COCH: variants seen among roughly 807,000 people sequenced by gnomAD.
The protein encoded by COCH is cochlin.
Under a neutral mutation model 54.8 loss-of-function variants are expected in COCH, and 40 were observed. That is an observed-to-expected ratio of 0.73 (90% CI 0.57 to 0.95). COCH has a LOEUF of 0.95. Among genes scored for constraint, COCH ranks in the 40% least tolerant of loss-of-function variants. The pLI is 0.00. For synonymous variants in COCH, 256 were observed against 237.9 expected, an observed-to-expected ratio of 1.08 and a Z score of -0.70; for missense variants, 605 against 675.0, an observed-to-expected ratio of 0.90 and a Z score of 1.15.
At chr14:30,892,023 A>G (rs1269241827), downstream of COCH, among the ~76,000 whole-genome samples, 1 of 152,224 alleles carries the variant, frequency 6.6e-6, no homozygotes, top group African/African-American at 2.4e-5. Context: ...AGTTTGAAAT[A>G]ATGAGAAAAA....
At chr14:30,884,968 T>C (rs778612034) in intron 9 of COCH, 1 of 1,598,348 alleles carries the variant, frequency 6.3e-7, no homozygotes. Context: ...ATCAACAGAC[T>C]TATCTAATGA....
chr14:30,877,524 C>T lies in COCH; in HGVS notation c.83-48C>T. 7 of 1,608,732 alleles carry T rather than the reference C, an allele frequency of 4.4e-6. No individual in the cohort carries two copies. The highest frequency in any genetic ancestry group is 5.9e-6 in the Non-Finnish European group (7 of 1,178,152). On this transcript the variant is annotated intron_variant, in intron 3 of 11. Transcript: ENST00000396618. The surrounding 1 kb of genome is among the most constrained non-coding windows in gnomAD (Gnocchi z 8.6). ...CACTGTAGTCTCCCCACCACTATGC[C>T]CCAAGAAGTCCTAAGAATGCTTACA...
chr14:30,880,652 T>A lies in COCH; in HGVS notation c.547T>A (p.Leu183Ile), dbSNP rs752834753. 9 of 1,614,042 alleles carry A rather than the reference T, an allele frequency of 5.6e-6. No individual in the cohort carries two copies. The East Asian group carries it at 1.8e-4, about 32-fold the overall frequency. The part of the protein sequence containing the change: ...SFNIGQRRFN[L>I]QKNFVGKVAL... ...TAATATTGGGCAGCGCCGATTTAAT[T>A]TACAGAAGAATTTTGTTGGAAAAGT... Residue 183 changes from leucine to isoleucine, a missense_variant, in exon 8 of 12, where the codon TTA becomes ATA. Transcript: ENST00000396618.
rs768156505 is a variant in COCH, at chr14:30,884,559, T to C, written c.636T>C (p.His212=). 3.1e-6 allele frequency: 5 copies of C among 1,608,866 alleles called. No homozygotes were observed. In the South Asian group the frequency reaches 5.5e-5, roughly 18 times the overall value. Reference sequence around the variant, plus strand: ...TTTTCTTTCTTCCACTCAGTGAACATCCCAAAATAGAATTTTACTTGAAAA... The same window carrying C: ...TTTTCTTTCTTCCACTCAGTGAACACCCCAAAATAGAATTTTACTTGAAAA... ...PHVGLVQASE[H]PKIEFYLKNF... is the part of the protein sequence containing the mutation. The change falls in exon 9 of 12, where the codon CAT becomes CAC. Residue 212 remains histidine, a synonymous_variant. Transcript: ENST00000396618.
intron 11 of COCH, among the ~76,000 whole-genome samples, chr14:30,888,917 A>G (rs888389542): frequency 3.9e-5 from 6 of 152,176 alleles, no homozygotes; most frequent in African/African-American, 1.4e-4. Context: ...AGTGAATGGA[A>G]ATAGAATACC....
chr14:30,875,498 C>G, intron 3 of COCH: 1 of 506,556 alleles, frequency 2.0e-6, no homozygotes. Flanking sequence ...GAGGAGAAGC[C>G]GCCCAGACCC....
downstream of COCH, chr14:30,893,751 G>C (rs45600940): frequency 0.1 from 15,519 of 152,440 alleles, 861 homozygotes; most frequent in South Asian, 0.16. Flanking sequence ...ATATCAATAA[G>C]TAGGACAAAG....
downstream of COCH, among the ~76,000 whole-genome samples, chr14:30,891,639 CAG>C (rs1319089163): frequency 3.3e-5 from 5 of 152,226 alleles, no homozygotes; most frequent in African/African-American, 7.2e-5. Context: ...GATTTTTCCC[CAG>C]TAAGTAGACC....
intron 8 of COCH, 169 bp from the exon 9 acceptor site, chr14:30,884,384 A>G (rs1895711048): frequency 1.6e-6 from 1 of 608,346 alleles, no homozygotes; most frequent in African/African-American, 1.8e-5. Flanking sequence ...CCTCTGAAAT[A>G]TCTCCAATAA....
chr14:30,889,753 A>G lies in COCH; in HGVS notation c.1615A>G (p.Arg539Gly), dbSNP rs768825582. Residue 539 changes from arginine (R) to glycine (G), a missense_variant, in exon 12 of 12, where the codon AGA becomes GGA. Transcript: ENST00000396618. ...GLEPIVSDVI[R>G]GICRDFLESQ... ...AGAACCAATTGTTTCTGATGTCATC[A>G]GAGGCATTTGTAGAGATTTCTTAGA... 1.9e-6 allele frequency: 3 copies of G among 1,612,416 alleles called. No homozygotes were observed. In the East Asian group the frequency reaches 6.7e-5, roughly 36 times the overall value.
rs1566413749 is a variant in COCH at position 30,886,240 on chromosome 14, T to G, written c.1405T>G (p.Phe469Val). 1 of 1,613,126 alleles carries G rather than the reference T, an allele frequency of 6.2e-7. No individual in the cohort carries two copies. Among genetic ancestry groups the G allele is most frequent in the Non-Finnish European group, 8.5e-7 (1 of 1,179,660 alleles). ...GPIRESPNKN[F>V]LVIVTDGQSY... ...TATAAGGGAGAGCCCCAACAAGAAC[T>G]TCCTAGTAATTGTCACAGATGGGCA... The change falls in exon 11 of 12, where the codon TTC becomes GTC. Residue 469 changes from phenylalanine to valine, a missense_variant. Physicochemically the swap from Phe to Val is conservative, Grantham distance 50. Coordinates refer to ENST00000396618, the MANE Select transcript of COCH (RefSeq NM_004086.3).
At chr14:30,882,123 T>TTTTTTTTTTTGTTTTG in intron 8 of COCH, among the ~76,000 whole-genome samples, 1 of 96,482 alleles carries the variant, frequency 1.0e-5, no homozygotes, top group African/African-American at 3.9e-5. Flanking sequence ...TAAAATGGTT[T>TTTTTTTTTTTGTTTTG]TTTTTTTTTT....
At chr14:30,888,012 G>A (rs534399061) in intron 11 of COCH, among the ~76,000 whole-genome samples, 11 of 152,224 alleles carry the variant, frequency 7.2e-5, no homozygotes, top group African/African-American at 1.9e-4. Context: ...ATCCCTTAGT[G>A]ATATTGAAAG....
chr14:30,889,530 T>C (rs1895910294), intron 11 of COCH, 86 bp from the exon 12 acceptor site: 7 of 1,211,392 alleles, frequency 5.8e-6, no homozygotes, highest in Non-Finnish European at 8.5e-6. Flanking sequence ...TGCAACTATG[T>C]AACAGTGTAT....
At chr14:30,876,123 A>T (rs1895350205) in intron 3 of COCH, 1 of 150,050 alleles carries the variant, frequency 6.7e-6, no homozygotes, top group Non-Finnish European at 1.5e-5. Flanking sequence ...TCTGCCTTGG[A>T]AAAAAAAGGT....
At chr14:30,893,212 C>T (rs905442119), downstream of COCH, among the ~76,000 whole-genome samples, 10 of 137,246 alleles carry the variant, frequency 7.3e-5, no homozygotes, top group Non-Finnish European at 1.5e-4. Flanking sequence ...AGTGCAGTGG[C>T]GTGATCTCAG....
chr14:30,874,719 C>A, intron 1 of COCH, 128 bp downstream of exon 1: 1 of 624,930 alleles, frequency 1.6e-6, no homozygotes, highest in South Asian at 1.9e-5. Context: ...CGGGGTTGCA[C>A]ACCGATCCTG....
chr14:30,884,691 G>T (rs1292572753), intron 9 of COCH, 35 bp downstream of exon 9: 2 of 1,471,112 alleles, frequency 1.4e-6, no homozygotes, highest in South Asian at 1.1e-5. Flanking sequence ...TGTAACATAG[G>T]AGAGGGTTAT....
In COCH at chr14:30,879,451, A is replaced by G; in HGVS notation, c.402A>G (p.Thr134=). Residue 134 remains threonine, a synonymous_variant, in exon 6 of 12, where the codon ACA becomes ACG. Transcript: ENST00000396618. ...GCAAAAGTAGTACACAGGAGGCCAC[A>G]GGACAAGCAGTGTCCACAGCACATC... ...TKGKSSTQEA[T]GQAVSTAHPP... The G allele has an allele frequency of 6.2e-7, 1 of 1,614,128 alleles. No homozygotes were observed. The highest frequency in any genetic ancestry group is 8.5e-7 in the Non-Finnish European group (1 of 1,179,984).
Sources: gnomAD v4.1 joint callset for allele counts (sites outside exome capture counted in the v4.1 genomes callset) on GRCh38, gnomAD v4.1.1 for gene constraint, Gnocchi (gnomAD v3.1) non-coding constraint, MANE v1.5 for transcripts, NCBI Gene and HGNC (gene_info 2026-07-23, HGNC 2026-07-21) for gene names.